SLC23A1: variants seen among roughly 807,000 people sequenced by gnomAD.
The protein encoded by SLC23A1 is Na(+)/L-ascorbic acid transporter 1.
Under a neutral mutation model 62.5 loss-of-function variants are expected in SLC23A1, and 31 were observed. That is an observed-to-expected ratio of 0.50 (90% CI 0.37 to 0.67). SLC23A1 has a LOEUF of 0.67. SLC23A1 is among the 30% of genes least tolerant of loss of function. SLC23A1 has a pLI of 0.00. For missense variants in SLC23A1, 640 were observed against 782.7 expected (o/e 0.82, Z 2.18); for synonymous variants, 271 against 313.2 (o/e 0.87, Z 1.42).
In SLC23A1 at chr5:139,379,680, G is replaced by T. The variant is rs1387784357; in HGVS notation, c.923C>A (p.Pro308His). The T allele has an allele frequency of 6.2e-7, 1 of 1,611,574 alleles. No homozygotes were observed. The highest frequency in any genetic ancestry group is 1.1e-5 in the South Asian group (1 of 90,576). ...GGGGCCCAAGGGGTGTTGCTCACAGGGGTAGGGGATGCGGATCCAGGGTGC... is the reference window on the plus strand; with the variant it reads ...GGGGCCCAAGGGGTGTTGCTCACAGTGGTAGGGGATGCGGATCCAGGGTGC... ...AIAPWIRIPY[P>H]CQWGLPTVTA... The change falls in exon 8 of 15, where the codon CCC becomes CAC. Residue 308 changes from proline (P) to histidine (H), a missense_variant and splice_region_variant. By Grantham distance (77) the Pro-to-His change is moderately conservative (BLOSUM62 -2). Transcript: ENST00000348729. This position sits in a 1 kb window ranked among gnomAD's most constrained non-coding sequence, Gnocchi z 4.7.
At chr5:139,383,398 G>A (rs1249588672), upstream of SLC23A1, 3 of 1,456,798 alleles carry the variant, frequency 2.1e-6, no homozygotes, top group Non-Finnish European at 1.8e-6. Context: ...CGAAAGGGGG[G>A]CCCGGGCAGA....
rs979528007 is a variant in SLC23A1, at chr5:139,380,779, A to G, written c.397+19T>C. On this transcript the variant is annotated intron_variant, in intron 4 of 14. Transcript: ENST00000348729. Reference sequence around the variant, plus strand: ...GGGCCTCCCCTTTTCCCCAGTGCAGACCCCAGAAGTGTACCCACCTTCCGG... The same window carrying G: ...GGGCCTCCCCTTTTCCCCAGTGCAGGCCCCAGAAGTGTACCCACCTTCCGG... The G allele has an allele frequency of 3.3e-6, 5 of 1,522,400 alleles. 1 individual carries two copies. The Middle Eastern group carries it at 6.8e-4, about 206-fold the overall frequency. The allele number at this position is 1,522,400 out of a possible 1,614,324, so 94.3% of individuals were successfully genotyped here. A position where few individuals can be genotyped will look rare whatever the true frequency, so the allele number is the denominator to read the frequency against.
chr5:139,385,296 C>T (rs1758472366), upstream of SLC23A1, among the ~76,000 whole-genome samples: 1 of 152,232 alleles, frequency 6.6e-6, no homozygotes, highest in Non-Finnish European at 1.5e-5. Flanking sequence ...CTCCAGTTCC[C>T]AGACCTAGGT....
chr5:139,383,041 A>T (rs1561983196), intron 1 of SLC23A1, among the ~76,000 whole-genome samples, 177 bp downstream of exon 1: 1 of 152,104 alleles, frequency 6.6e-6, no homozygotes, highest in Non-Finnish European at 1.5e-5. Flanking sequence ...CCAAAGCTGC[A>T]GGCTCCTTCA....
At chr5:139,383,545 G>A (rs1286957361), upstream of SLC23A1, among the ~76,000 whole-genome samples, 1 of 152,156 alleles carries the variant, frequency 6.6e-6, no homozygotes, top group African/African-American at 2.4e-5. Context: ...GAGGGGGTGA[G>A]GACCAGAAGT....
At chr5:139,368,889 CTG>C (rs752685890) in intron 14 of SLC23A1, 1 of 946,172 alleles carries the variant, frequency 1.1e-6, no homozygotes, top group Non-Finnish European at 1.7e-6. Context: ...TCTCTTGTCA[CTG>C]TGTTACACTT....
chr5:139,382,279 T>G, intron 2 of SLC23A1: 1 of 601,554 alleles, frequency 1.7e-6, no homozygotes, highest in Non-Finnish European at 3.0e-6. Flanking sequence ...CTGCTCCCTG[T>G]CACCAACACC....
intron 14 of SLC23A1, chr5:139,368,702 G>T: frequency 1.3e-6 from 2 of 1,511,178 alleles, no homozygotes; most frequent in Non-Finnish European, 1.8e-6. Context: ...CTGTGTTAAT[G>T]AACTTGCTTT....
At chr5:139,370,469 C>CCTTT (rs1433981918) in intron 14 of SLC23A1, among the ~76,000 whole-genome samples, 4 of 99,944 alleles carry the variant, frequency 4.0e-5, no homozygotes, top group Admixed American at 2.2e-4. Context: ...CCGCACCCAG[C>CCTTT]CTTTATTTAT....
Position 139,377,415 on chromosome 5 carries a change from G to T in SLC23A1, c.1536C>A (p.Asp512Glu). Residue 512 changes from aspartate to glutamate, a missense_variant, in exon 13 of 15, where the codon GAC (aspartate) becomes GAA (glutamate). By Grantham distance (45) the Asp-to-Glu change is conservative. Coordinates refer to ENST00000348729, the MANE Select transcript of SLC23A1 (RefSeq NM_005847.5). ...ACCGAACCATACCTGGCACTGTGTT[G>T]TCAAGTATGAAAGCAAGGCACCCGC... The part of the protein sequence containing the change: ...FVGGCLAFIL[D>E]NTVPGSPEER... 1 of 1,594,274 alleles carries T rather than the reference G, an allele frequency of 6.3e-7. No homozygotes were observed. The highest frequency in any genetic ancestry group is 8.6e-7 in the Non-Finnish European group (1 of 1,161,796).
upstream of SLC23A1, chr5:139,384,656 A>G (rs1758440062): frequency 8.2e-7 from 1 of 1,214,004 alleles, no homozygotes; most frequent in Admixed American, 3.0e-5. Flanking sequence ...ATACGGCTCC[A>G]TGGACACTCA....
chr5:139,367,890 C>A (rs1292003929), intron 14 of SLC23A1, among the ~76,000 whole-genome samples: 1 of 152,174 alleles, frequency 6.6e-6, no homozygotes, highest in Non-Finnish European at 1.5e-5. Context: ...ATTTCAATTC[C>A]TATTTTCTCT....
intron 1 of SLC23A1, 62 bp from the exon 2 acceptor site, chr5:139,382,667 GC>G: frequency 2.9e-6 from 3 of 1,044,076 alleles, no homozygotes; most frequent in Non-Finnish European, 4.5e-6. Context: ...AATCCATTCT[GC>G]CCCAGAATCA....
At position 139,380,817 on chromosome 5, in the gene SLC23A1, T is replaced by C; in HGVS notation, c.378A>G (p.Arg126=). 1 of 1,569,806 alleles carries C rather than the reference T, an allele frequency of 6.4e-7. No homozygotes were observed. Among genetic ancestry groups the C allele is most frequent in the Non-Finnish European group, 8.6e-7 (1 of 1,156,342 alleles). ...ACCCACCTTCCGGGGGGCATTTCCA[T>C]CTCTCCAGAGCCAGTATGGCTTTGG... ...VPAKAILALE[R]WKCPPEEEIY... is the part of the protein sequence containing the mutation. Residue 126 remains arginine (R), a synonymous_variant, in exon 4 of 15, where the codon AGA becomes AGG. Transcript: ENST00000348729.
At chr5:139,368,698 T>A in intron 14 of SLC23A1, 13 of 1,473,106 alleles carry the variant, frequency 8.8e-6, no homozygotes, top group Non-Finnish European at 1.2e-5. Context: ...GAAACTGTGT[T>A]AATGAACTTG....
At chr5:139,370,470 CTTTA>C (rs70982775) in intron 14 of SLC23A1, among the ~76,000 whole-genome samples, 43,310 of 140,004 alleles carry the variant, frequency 0.31, 7,132 homozygotes, top group East Asian at 0.71. Flanking sequence ...CGCACCCAGC[CTTTA>C]TTTATTTATT....
chr5:139,382,447 C>A, intron 2 of SLC23A1, 45 bp downstream of exon 2: 1 of 1,151,762 alleles, frequency 8.7e-7, no homozygotes, highest in South Asian at 1.2e-5. Context: ...CTGGAGTCCC[C>A]GGGGAGTGTG....
rs1757711762 is a variant in SLC23A1, at chr5:139,372,268, T to G, written c.1550-15A>C. 3.1e-6 allele frequency: 5 copies of G among 1,606,804 alleles called. No individual in the cohort carries two copies. The highest frequency in any genetic ancestry group is 3.4e-5 in the Admixed American group (2 of 59,582). On this transcript the variant is annotated splice_polypyrimidine_tract_variant and intron_variant, in intron 13 of 14. Transcript: ENST00000348729. Reference sequence around the variant, plus strand: ...CTCTGGGCTCCCTGGAAGAGGATAGTGAGGTCATTTACCAAGGCCAGCAAC... The same window carrying G: ...CTCTGGGCTCCCTGGAAGAGGATAGGGAGGTCATTTACCAAGGCCAGCAAC...
At chr5:139,375,754 G>T (rs1757915675) in intron 13 of SLC23A1, among the ~76,000 whole-genome samples, 1 of 151,046 alleles carries the variant, frequency 6.6e-6, no homozygotes, top group African/African-American at 2.4e-5. Flanking sequence ...AGAATCGGTT[G>T]AGCTCAGGAG....
Sources: gnomAD v4.1 joint callset for allele counts (sites outside exome capture counted in the v4.1 genomes callset) on GRCh38, gnomAD v4.1.1 for gene constraint, Gnocchi (gnomAD v3.1) non-coding constraint, MANE v1.5 for transcripts, NCBI Gene and HGNC (gene_info 2026-07-23, HGNC 2026-07-21) for gene names.